ZBBX: variants seen among roughly 807,000 people sequenced by gnomAD.
The protein encoded by ZBBX is zinc finger B-box domain containing, also known as zinc finger B-box domain-containing protein 1.
A neutral mutation model predicts 108.5 loss-of-function variants in ZBBX; 101 were observed. That is an observed-to-expected ratio of 0.93 (90% CI 0.79 to 1.10). The LOEUF (loss-of-function observed/expected upper bound fraction) is 1.10, where lower values mean the gene tolerates loss of function less well. ZBBX is among the 50% of genes least tolerant of loss of function. The probability of loss-of-function intolerance (pLI) is 0.00; values close to 1 mark genes in which losing one functional copy is unlikely to be tolerated. For synonymous variants in ZBBX, 356 were observed against 323.4 expected (o/e 1.10, Z -1.08); for missense variants, 1,009 against 941.4 (o/e 1.07, Z -0.94).
chr3:167,347,966 G>C (rs756763895), intron 9 of ZBBX, among the ~76,000 whole-genome samples: 8 of 151,856 alleles, frequency 5.3e-5, no homozygotes, highest in Admixed American at 4.6e-4. Context: ...TCCTTGCCAA[G>C]CTCTTTGATT....
chr3:167,287,160 C>A (rs1032199153), intron 19 of ZBBX, among the ~76,000 whole-genome samples: 1 of 151,952 alleles, frequency 6.6e-6, no homozygotes, highest in Non-Finnish European at 1.5e-5. Flanking sequence ...GCTGATAGGA[C>A]ATATTATCAT....
chr3:167,196,571 A>G, the ZBBX span, among the ~76,000 whole-genome samples: 4 of 152,272 alleles, frequency 2.6e-5, no homozygotes, highest in Middle Eastern at 0.01. Context: ...ACTTAAGTGG[A>G]CCTTTTTCTG....
At chr3:167,407,469 C>A (rs1254153601) in intron 1 of ZBBX, among the ~76,000 whole-genome samples, 1 of 151,952 alleles carries the variant, frequency 6.6e-6, no homozygotes, top group Non-Finnish European at 1.5e-5. Context: ...CTCGCACAGT[C>A]AAAAATTTTC....
intron 20 of ZBBX, among the ~76,000 whole-genome samples, chr3:167,244,630 C>T (rs913826053): frequency 6.6e-6 from 1 of 152,150 alleles, no homozygotes. Flanking sequence ...TAAAACTGCT[C>T]ATAACAACCC....
At chr3:167,357,787 C>A (rs1743829043) in intron 8 of ZBBX, among the ~76,000 whole-genome samples, 1 of 151,944 alleles carries the variant, frequency 6.6e-6, no homozygotes, top group Non-Finnish European at 1.5e-5. Flanking sequence ...AAATGTCCAA[C>A]AATGATAGAC....
intron 10 of ZBBX, among the ~76,000 whole-genome samples, chr3:167,331,159 A>G (rs1451897229): frequency 1.5e-5 from 2 of 135,058 alleles, no homozygotes; most frequent in East Asian, 4.6e-4. Flanking sequence ...AGTTGGAGGT[A>G]TTTTGTTATG....
chr3:167,211,786 C>T, the ZBBX span, among the ~76,000 whole-genome samples: 1 of 152,114 alleles, frequency 6.6e-6, no homozygotes, highest in African/African-American at 2.4e-5. Context: ...CCAGGACCTC[C>T]AGCCACCCTC....
chr3:167,185,573 G>C, the ZBBX span, among the ~76,000 whole-genome samples: 14 of 152,148 alleles, frequency 9.2e-5, no homozygotes, highest in East Asian at 2.7e-3. Flanking sequence ...TTTGCTTGCT[G>C]AATACTTAAG....
chr3:167,184,593 A>T, the ZBBX span, among the ~76,000 whole-genome samples: 1 of 152,180 alleles, frequency 6.6e-6, no homozygotes, highest in South Asian at 2.1e-4. Context: ...GAAACCGGTT[A>T]CATTAAGCAG....
intron 1 of ZBBX, among the ~76,000 whole-genome samples, chr3:167,396,221 G>A (rs1748231534): frequency 1.3e-5 from 2 of 151,968 alleles, no homozygotes; most frequent in South Asian, 4.2e-4. Context: ...GCTGACTGTT[G>A]CAGGATACAT....
intron 19 of ZBBX, 171 bp from the exon 20 acceptor site, chr3:167,282,666 T>G (rs994766067): frequency 1.8e-6 from 1 of 559,532 alleles, no homozygotes; most frequent in Non-Finnish European, 3.1e-6. Context: ...TTTCTTAATC[T>G]CAAATTACTT....
intron 2 of ZBBX, among the ~76,000 whole-genome samples, chr3:167,377,741 T>C (rs1024234328): frequency 7.2e-5 from 11 of 152,164 alleles, no homozygotes; most frequent in African/African-American, 2.7e-4. Context: ...ATTTCTAGAA[T>C]AGTATCTTGT....
chr3:167,240,710 G>T lies in ZBBX; in HGVS notation c.*83C>A. On this transcript the variant is annotated 3_prime_UTR_variant, in exon 22 of 22. Coordinates refer to ENST00000675490, the MANE Select transcript of ZBBX (RefSeq NM_001199201.2). ...TTAGTAATCAAAATCTCCAGCACTT[G>T]GATAGGTAATCACTTGGTTACTTTT... is the stretch of plus-strand genomic sequence containing the variant. 3 of 1,480,030 alleles carry T rather than the reference G, an allele frequency of 2.0e-6. No homozygotes were observed. The highest frequency in any genetic ancestry group is 2.7e-6 in the Non-Finnish European group (3 of 1,093,932). 91.7% of individuals were successfully genotyped at this position (1,480,030 alleles called of 1,614,324 possible).
chr3:167,261,150 G>A (rs1724438478), intron 20 of ZBBX, among the ~76,000 whole-genome samples: 1 of 152,172 alleles, frequency 6.6e-6, no homozygotes, highest in Non-Finnish European at 1.5e-5. Context: ...CTGGTACTGG[G>A]TGTTGCCTGC....
chr3:167,257,958 T>G (rs541780275), intron 20 of ZBBX, among the ~76,000 whole-genome samples: 2 of 152,142 alleles, frequency 1.3e-5, no homozygotes, highest in Non-Finnish European at 2.9e-5. Context: ...GATATCTGTT[T>G]GCTCTTCTGA....
intron 8 of ZBBX, among the ~76,000 whole-genome samples, chr3:167,356,258 T>A (rs1743556036): frequency 6.6e-6 from 1 of 152,104 alleles, no homozygotes; most frequent in South Asian, 2.1e-4. Flanking sequence ...GCAATTTTTT[T>A]AAGATTCCTT....
intron 2 of ZBBX, among the ~76,000 whole-genome samples, chr3:167,376,919 G>A (rs939244422): frequency 6.6e-6 from 1 of 152,156 alleles, no homozygotes; most frequent in Non-Finnish European, 1.5e-5. Context: ...AATGTCAGCA[G>A]CAAGAATAGC....
chr3:167,213,023 G>T, the ZBBX span, among the ~76,000 whole-genome samples: 2 of 145,470 alleles, frequency 1.4e-5, no homozygotes, highest in Non-Finnish European at 3.1e-5. Flanking sequence ...AAAACATCAA[G>T]ATTATAAGTC....
At chr3:167,318,376 T>C (rs1002974862) in intron 12 of ZBBX, among the ~76,000 whole-genome samples, 1 of 151,972 alleles carries the variant, frequency 6.6e-6, no homozygotes, top group Non-Finnish European at 1.5e-5. Flanking sequence ...TTTTGGTACA[T>C]TAAATTTTAT....
Sources: allele counts gnomAD v4.1 joint callset (sites outside exome capture counted in the v4.1 genomes callset), GRCh38; gene constraint gnomAD v4.1.1; transcripts MANE v1.5; gene names NCBI Gene and HGNC (gene_info 2026-07-23, HGNC 2026-07-21).